MYOM1: variants seen among roughly 807,000 people sequenced by gnomAD.
The protein encoded by MYOM1 is myomesin 1, also known as myomesin-1.
In MYOM1, 164 loss-of-function variants were observed where a neutral mutation model predicts 205.3. That is an observed-to-expected ratio of 0.80 (90% CI 0.70 to 0.91). The LOEUF is 0.91. Among genes scored for constraint, MYOM1 ranks in the 40% least tolerant of loss-of-function variants. MYOM1 has a pLI of 0.00. For synonymous variants in MYOM1, 772 were observed against 789.4 expected (o/e 0.98, Z 0.37); for missense variants, 2,011 against 2,127.3 (o/e 0.95, Z 1.08).
rs751584352 is a variant in MYOM1, at chr18:3,135,903, C to T, written c.2026-173G>A. The stretch of plus-strand genomic sequence containing the variant: ...TGAGGCATCTGAAGTTCGTAGGATT[C>T]TCTAAATCAAACTTGGCTTTTGATA... On this transcript the variant is annotated intron_variant, in intron 14 of 37. Transcript: ENST00000356443. This position sits in a 1 kb window ranked among gnomAD's most constrained non-coding sequence, Gnocchi z 4.1. Among the ~76,000 whole-genome samples the T allele has an allele frequency of 3.3e-5, 5 of 152,134 alleles. No individual in the cohort carries two copies. The highest frequency in any genetic ancestry group is 1.3e-4 in the Admixed American group (2 of 15,266).
At chr18:3,102,334 T>C in intron 23 of MYOM1, 140 bp downstream of exon 23, 6 of 926,362 alleles carry the variant, frequency 6.5e-6, no homozygotes, top group Non-Finnish European at 9.5e-6. Flanking sequence ...TTTAAGTTGG[T>C]TATTATTTTC....
chr18:3,083,308 G>A (rs2079106169), intron 33 of MYOM1, among the ~76,000 whole-genome samples: 1 of 151,966 alleles, frequency 6.6e-6, no homozygotes, highest in South Asian at 2.1e-4. Flanking sequence ...TGTCAGACTT[G>A]AGAATTAAGA....
At chr18:3,164,218 A>G in intron 10 of MYOM1, 60 bp downstream of exon 10, 1 of 1,537,652 alleles carries the variant, frequency 6.5e-7, no homozygotes, top group Non-Finnish European at 8.8e-7. Context: ...GTAATCAAAA[A>G]CTGCTTTGGC....
intron 20 of MYOM1, among the ~76,000 whole-genome samples, chr18:3,118,456 C>T (rs2079637273): frequency 6.6e-6 from 1 of 152,114 alleles, no homozygotes; most frequent in South Asian, 2.1e-4. Context: ...AGCAATCCTC[C>T]TGAGTAGCTG....
rs556557259 is a variant in MYOM1 at position 3,205,032 on chromosome 18, A to G, written c.290+9902T>C. On this transcript the variant is annotated intron_variant, in intron 2 of 37. Transcript: ENST00000356443. The stretch of plus-strand genomic sequence containing the variant: ...CTGTAAACCCATATGTGAAAGGACG[A>G]ATTTAGAGCTTTACTCAATATTATA... Among the ~76,000 whole-genome samples the G allele has an allele frequency of 4.9e-4, 75 of 152,238 alleles. 2 individuals carry two copies. The South Asian group carries it at 0.014, about 29-fold the overall frequency.
chr18:3,088,362 C>T (rs966278263), intron 29 of MYOM1, among the ~76,000 whole-genome samples: 1 of 152,196 alleles, frequency 6.6e-6, no homozygotes, highest in African/African-American at 2.4e-5. Context: ...GTTTTTCAAG[C>T]AGCGTTGCCA....
chr18:3,080,915 C>T (rs2079077696), intron 33 of MYOM1, among the ~76,000 whole-genome samples: 1 of 151,810 alleles, frequency 6.6e-6, no homozygotes, highest in Admixed American at 6.6e-5. Context: ...AGGTGGATCA[C>T]GAAGTCAGGA....
intron 3 of MYOM1, 40 bp downstream of exon 3, chr18:3,193,778 C>T: frequency 6.3e-7 from 1 of 1,597,980 alleles, no homozygotes; most frequent in Non-Finnish European, 8.5e-7. Context: ...TTACTATATA[C>T]TTCTTAAAAA....
Position 3,098,197 on chromosome 18 carries a change from G to T in MYOM1, c.3727+1962C>A, listed in dbSNP as rs563727926. On this transcript the variant is annotated intron_variant, in intron 25 of 37. Coordinates refer to ENST00000356443, the MANE Select transcript of MYOM1 (RefSeq NM_003803.4). ...GGATCACTGGTCTGTTTCAATTAATGTTCATATTTTTCCTGAATAGTTCAT... is the reference window on the plus strand; with the variant it reads ...GGATCACTGGTCTGTTTCAATTAATTTTCATATTTTTCCTGAATAGTTCAT... Among the ~76,000 whole-genome samples, 3 of 152,226 alleles carry T rather than the reference G, an allele frequency of 2.0e-5. No homozygotes were observed. The South Asian group carries it at 6.2e-4, about 32-fold the overall frequency.
At chr18:3,182,013 C>T (rs1381556758) in intron 5 of MYOM1, among the ~76,000 whole-genome samples, 3 of 152,124 alleles carry the variant, frequency 2.0e-5, no homozygotes, top group African/African-American at 7.2e-5. Context: ...GGATTACAGG[C>T]GTGAGCCCTC....
At chr18:3,242,564 A>T in the MYOM1 span, among the ~76,000 whole-genome samples, 3 of 152,182 alleles carry the variant, frequency 2.0e-5, no homozygotes, top group African/African-American at 7.2e-5. Context: ...GCTTGAGGGC[A>T]GCGGCATGAT....
At chr18:3,131,590 C>A in intron 16 of MYOM1, 94 bp from the exon 17 acceptor site, 6 of 1,118,948 alleles carry the variant, frequency 5.4e-6, no homozygotes, top group South Asian at 1.6e-5. Flanking sequence ...TTTATGAAAA[C>A]AATTCTTTTT....
chr18:3,230,696 C>G, the MYOM1 span, among the ~76,000 whole-genome samples: 1 of 151,730 alleles, frequency 6.6e-6, no homozygotes. Flanking sequence ...CACCAAGTAA[C>G]CAATGGGGAA....
intron 10 of MYOM1, among the ~76,000 whole-genome samples, chr18:3,160,796 G>A (rs1004168506): frequency 5.3e-5 from 8 of 152,036 alleles, no homozygotes; most frequent in Admixed American, 2.6e-4. Context: ...TTAATTTGTG[G>A]ATTTGAAAGC....
At chr18:3,146,776 A>T (rs2080128858) in intron 13 of MYOM1, among the ~76,000 whole-genome samples, 1 of 152,014 alleles carries the variant, frequency 6.6e-6, no homozygotes, top group South Asian at 2.1e-4. Context: ...AGCAATAAGG[A>T]AAGAAAAAGA....
rs575023240 is a variant in MYOM1 at position 3,070,545 on chromosome 18, G to GT, written c.4764+1288dup. ...TCAGACTGTATCTAGTTAAATGAAA[G>GT]TAAGGAAGGCCTTATTTGGCATCTT... On this transcript the variant is annotated intron_variant, in intron 37 of 37. Coordinates refer to ENST00000356443, the MANE Select transcript of MYOM1 (RefSeq NM_003803.4). 2.0e-5 allele frequency among the ~76,000 whole-genome samples: 3 copies of GT among 152,294 alleles called. No homozygotes were observed. In the South Asian group the frequency reaches 6.2e-4, roughly 32 times the overall value.
rs2079928717 is a variant in MYOM1 at position 3,134,656 on chromosome 18, C to A, written c.2378G>T (p.Gly793Val). Residue 793 changes from glycine to valine, a missense_variant, in exon 16 of 38, where the codon GGC becomes GTC. By Grantham distance (109) the Gly-to-Val change is moderately radical. Transcript: ENST00000356443. ...GCACACCCGACTGAGTTACCGTGAGCCCTTCACGGGGTTGTTGTTACAGGG... is the reference window on the plus strand; with the variant it reads ...GCACACCCGACTGAGTTACCGTGAGACCTTCACGGGGTTGTTGTTACAGGG... Reference protein sequence around the residue: ...WEPCNNNPVKGSRFTCHGLVT... With the variant: ...WEPCNNNPVKVSRFTCHGLVT... 1.2e-6 allele frequency: 2 copies of A among 1,611,176 alleles called. No homozygotes were observed. Among genetic ancestry groups the A allele is most frequent in the South Asian group, 1.1e-5 (1 of 90,916 alleles).
At chr18:3,141,597 C>T (rs2080050253) in intron 14 of MYOM1, among the ~76,000 whole-genome samples, 1 of 152,150 alleles carries the variant, frequency 6.6e-6, no homozygotes, top group Admixed American at 6.5e-5. Flanking sequence ...AAAGCCATTA[C>T]CAAAGCAAGG....
upstream of MYOM1, among the ~76,000 whole-genome samples, chr18:3,221,908 A>G (rs1005689773): frequency 2.0e-5 from 3 of 152,318 alleles, no homozygotes; most frequent in South Asian, 6.2e-4. Context: ...TAAATATCCA[A>G]TACAGAATGC....
Sources: gnomAD v4.1 joint callset for allele counts (sites outside exome capture counted in the v4.1 genomes callset) on GRCh38, gnomAD v4.1.1 for gene constraint, Gnocchi (gnomAD v3.1) non-coding constraint, MANE v1.5 for transcripts, NCBI Gene and HGNC (gene_info 2026-07-23, HGNC 2026-07-21) for gene names.